Variants in KIAA1217 observed in about 807,000 individuals in gnomAD.
The protein encoded by KIAA1217 is sickle tail protein homolog.
A neutral mutation model predicts 163.9 loss-of-function variants in KIAA1217; 88 were observed. The observed-to-expected ratio is 0.54, with a 90% CI of 0.45 to 0.64. The LOEUF (loss-of-function observed/expected upper bound fraction) is 0.64. Ranked by LOEUF, KIAA1217 falls within the 30% of genes least tolerant of loss-of-function variation. The probability of loss-of-function intolerance (pLI) is 0.00; values close to 1 mark genes in which losing one functional copy is unlikely to be tolerated. For synonymous variants in KIAA1217, 903 were observed against 923.1 expected, an observed-to-expected ratio of 0.98 and a Z score of 0.39; for missense variants, 2,372 against 2,475.0, an observed-to-expected ratio of 0.96 and a Z score of 0.88.
At chr10:24,276,252 C>G (rs17505709) in intron 2 of KIAA1217, among the ~76,000 whole-genome samples, 2 of 151,978 alleles carry the variant, frequency 1.3e-5, no homozygotes. Context: ...TGCCATTGAA[C>G]AGAACGCAGA....
chr10:24,202,234 T>C (rs1335828205), intron 2 of KIAA1217, among the ~76,000 whole-genome samples: 1 of 152,246 alleles, frequency 6.6e-6, no homozygotes, highest in Non-Finnish European at 1.5e-5. Context: ...AGCTGCGTTG[T>C]TGAAACAAAG....
chr10:23,818,249 A>G (rs1242050628), intron 1 of KIAA1217, among the ~76,000 whole-genome samples: 2 of 143,304 alleles, frequency 1.4e-5, no homozygotes, highest in Non-Finnish European at 3.0e-5. Context: ...TATACATAAT[A>G]TATATTTTAT....
At chr10:24,369,422 C>T (rs1482747266) in intron 2 of KIAA1217, among the ~76,000 whole-genome samples, 1 of 152,134 alleles carries the variant, frequency 6.6e-6, no homozygotes, top group African/African-American at 2.4e-5. Context: ...GCCTTCTCCA[C>T]TGTGGGGTGA....
At chr10:24,219,985 T>A in intron 2 of KIAA1217, 76 bp downstream of exon 2, 1 of 1,434,690 alleles carries the variant, frequency 7.0e-7, no homozygotes. Flanking sequence ...TTACTTTCTT[T>A]GTAAAAGGTA....
At chr10:23,951,057 AAC>A (rs1474995883) in intron 1 of KIAA1217, among the ~76,000 whole-genome samples, 1 of 152,164 alleles carries the variant, frequency 6.6e-6, no homozygotes, top group Non-Finnish European at 1.5e-5. Context: ...GAGATGAACA[AAC>A]AACAGGATAT....
At chr10:23,757,434 A>G (rs1385439426) in intron 1 of KIAA1217, among the ~76,000 whole-genome samples, 2 of 152,114 alleles carry the variant, frequency 1.3e-5, no homozygotes, top group Non-Finnish European at 2.9e-5. Context: ...AGCCATCCTT[A>G]TGGGTGTGAG....
In KIAA1217 at chr10:24,479,677, T is replaced by C. The variant is rs565660269; in HGVS notation, c.1679+5617T>C. Among the ~76,000 whole-genome samples the C allele has an allele frequency of 1.5e-4, 23 of 152,328 alleles. 1 individual carries two copies. In the South Asian group the frequency reaches 4.8e-3, roughly 32 times the overall value. ...AAAGAGAAGAGGTTTATTTAGCTCATGGTTCTAGAGGCTGAGAAGTTCTAG... is the reference window on the plus strand; with the variant it reads ...AAAGAGAAGAGGTTTATTTAGCTCACGGTTCTAGAGGCTGAGAAGTTCTAG... On this transcript the variant is annotated intron_variant, in intron 6 of 20. Coordinates refer to ENST00000376454, the MANE Select transcript of KIAA1217 (RefSeq NM_019590.5).
intron 5 of KIAA1217, among the ~76,000 whole-genome samples, chr10:24,472,048 C>G (rs531422213): frequency 3.8e-4 from 58 of 152,218 alleles, no homozygotes; most frequent in African/African-American, 1.3e-3. Context: ...TTCACATAAT[C>G]AAGTAAGCTA....
rs1366418023 is a variant in KIAA1217 at position 24,463,403 on chromosome 10, C to T, written c.847-9825C>T. On this transcript the variant is annotated intron_variant, in intron 5 of 20. Transcript: ENST00000376454. ...AAGCTAACCGCTGACTGGACCATCT[C>T]TTTCCTGGGAATTAAATAATTTTGG... Among the ~76,000 whole-genome samples the T allele has an allele frequency of 3.9e-5, 6 of 152,322 alleles. No homozygotes were observed. In the East Asian group the frequency reaches 9.6e-4, roughly 24 times the overall value.
rs76525490 is a variant in KIAA1217, at chr10:23,735,921, T to A, written c.-321+40687T>A. Among the ~76,000 whole-genome samples, 1,387 of 152,332 alleles carry A rather than the reference T, an allele frequency of 9.1e-3. 21 individuals carry two copies. The highest frequency in any genetic ancestry group is 0.032 in the African/African-American group (1,320 of 41,574). On this transcript the variant is annotated intron_variant, in intron 1 of 18. Coordinates refer to the KIAA1217 transcript ENST00000376462. The stretch of plus-strand genomic sequence containing the variant: ...CCCCACATTCCCAGAAGTTTTCTCA[T>A]GAACACATATTTCATTCTCTCTTGA...
intron 2 of KIAA1217, among the ~76,000 whole-genome samples, chr10:24,055,906 A>ATAT (rs1314193985): frequency 7.2e-5 from 11 of 152,080 alleles, no homozygotes; most frequent in African/African-American, 2.4e-4. Flanking sequence ...TGTACATAAT[A>ATAT]GATGTTCAGA....
Position 24,513,291 on chromosome 10 carries a change from G to A in KIAA1217, c.2034G>A (p.Met678Ile). Reference protein sequence around the residue: ...LQNQELLRAMMKKAELEISGK... With the variant: ...LQNQELLRAMIKKAELEISGK... ...ACCAGGAGTTGCTGAGGGCAATGAT[G>A]AAGAAGGCCGAGCTGGAAATCAGTG... Residue 678 changes from methionine to isoleucine, a missense_variant, in exon 10 of 21, where the codon ATG becomes ATA. By Grantham distance (10) the Met-to-Ile change is conservative. Around this residue, in one of 3 missense-constraint regions of KIAA1217, gnomAD observed 1,431 missense variants for 1,470.3 expected, o/e 0.97. Transcript: ENST00000376454. 1 of 1,614,176 alleles carries A rather than the reference G, an allele frequency of 6.2e-7. No individual in the cohort carries two copies. The highest frequency in any genetic ancestry group is 8.5e-7 in the Non-Finnish European group (1 of 1,180,024).
intron 1 of KIAA1217, among the ~76,000 whole-genome samples, chr10:23,775,977 A>T (rs1388923961): frequency 6.6e-6 from 1 of 152,238 alleles, no homozygotes; most frequent in African/African-American, 2.4e-5. Context: ...AACGTATCAG[A>T]TAATGTTATG....
chr10:24,237,080 G>A (rs1479692154), intron 2 of KIAA1217, among the ~76,000 whole-genome samples: 1 of 152,178 alleles, frequency 6.6e-6, no homozygotes, highest in Non-Finnish European at 1.5e-5. Context: ...TCATCTACAT[G>A]CATTTATTGA....
At chr10:23,760,827 T>G (rs1834227433) in intron 1 of KIAA1217, among the ~76,000 whole-genome samples, 1 of 152,168 alleles carries the variant, frequency 6.6e-6, no homozygotes. Context: ...TACGTTTATG[T>G]TGAGATGGTT....
At chr10:23,869,124 GTTTTTTTTTTTTTTTTT>G (rs58288361) in intron 1 of KIAA1217, among the ~76,000 whole-genome samples, 1 of 31,702 alleles carries the variant, frequency 3.2e-5, no homozygotes, top group Non-Finnish European at 6.3e-5. Flanking sequence ...ATGAAATGTA[GTTTTTTTTTTTTTTTTT>G]TTTTTTTTTT....
chr10:23,747,823 C>A (rs369439011), intron 1 of KIAA1217, among the ~76,000 whole-genome samples: 1 of 152,136 alleles, frequency 6.6e-6, no homozygotes, highest in African/African-American at 2.4e-5. Context: ...CGTGATGAAT[C>A]CATCTCCATG....
rs75307482 is a variant in KIAA1217 at position 24,286,354 on chromosome 10, G to A, written c.354+66445G>A. Among the ~76,000 whole-genome samples the A allele has an allele frequency of 9.5e-3, 1,446 of 152,078 alleles. 29 individuals are homozygous for A. The highest frequency in any genetic ancestry group is 0.084 in the East Asian group (436 of 5,170). ...CTTCTTAACTTCATAGATTTTAAAAGTTAGTTCAGAATAAAGTTTACCCTT... is the reference window on the plus strand; with the variant it reads ...CTTCTTAACTTCATAGATTTTAAAAATTAGTTCAGAATAAAGTTTACCCTT... On this transcript the variant is annotated intron_variant, in intron 2 of 20. Coordinates refer to ENST00000376454, the MANE Select transcript of KIAA1217 (RefSeq NM_019590.5).
At position 24,545,980 on chromosome 10, in the gene KIAA1217, G is replaced by C. The variant is rs1435279189; in HGVS notation, c.5488G>C (p.Ala1830Pro). The C allele has an allele frequency of 6.2e-7, 1 of 1,614,034 alleles. No individual in the cohort carries two copies. The highest frequency in any genetic ancestry group is 1.7e-5 in the Admixed American group (1 of 60,008). Reference sequence around the variant, plus strand: ...CAGCTCTAACCTCCCTAATCCACCTGCTACTAAACCATCGATTGCTTCTAA... The same window carrying C: ...CAGCTCTAACCTCCCTAATCCACCTCCTACTAAACCATCGATTGCTTCTAA... ...GDSSNLPNPP[A>P]TKPSIASNPL... The change falls in exon 21 of 21, where the codon GCT becomes CCT. Residue 1830 changes from alanine (A) to proline (P), a missense_variant. By Grantham distance (27) the Ala-to-Pro change is conservative. Around this residue, in one of 3 missense-constraint regions of KIAA1217, gnomAD observed 690 missense variants for 677.5 expected, o/e 1.02. Coordinates refer to ENST00000376454, the MANE Select transcript of KIAA1217 (RefSeq NM_019590.5).
Sources: gnomAD v4.1 joint callset for allele counts (sites outside exome capture counted in the v4.1 genomes callset) on GRCh38, gnomAD v4.1.1 for gene constraint, gnomAD v4.1.1 regional missense constraint, MANE v1.5 for transcripts, NCBI Gene and HGNC (gene_info 2026-07-23, HGNC 2026-07-21) for gene names.